Variants in TYW1 observed in about 807,000 individuals in gnomAD.
The protein encoded by TYW1 is S-adenosyl-L-methionine-dependent tRNA 4-demethylwyosine synthase TYW1.
In TYW1, 46 loss-of-function variants were observed where a neutral mutation model predicts 96.2. The ratio of observed to expected loss-of-function variants is 0.48; its 90% CI spans 0.38 to 0.61. TYW1 has a LOEUF of 0.61. TYW1 is among the 20% of genes least tolerant of loss of function. TYW1 has a pLI of 0.00. For missense variants in TYW1, 684 were observed against 909.6 expected (o/e 0.75, Z 3.19); for synonymous variants, 274 against 323.0 (o/e 0.85, Z 1.63).
At chr7:67,168,748 G>C (rs1733775182) in intron 13 of TYW1, among the ~76,000 whole-genome samples, 1 of 151,240 alleles carries the variant, frequency 6.6e-6, no homozygotes, top group African/African-American at 2.4e-5. Context: ...GTCTGGCTCT[G>C]TTGCCCAGGC....
chr7:67,089,945 T>C (rs1376780118), intron 11 of TYW1, among the ~76,000 whole-genome samples: 1 of 152,184 alleles, frequency 6.6e-6, no homozygotes, highest in Non-Finnish European at 1.5e-5. Flanking sequence ...GGGCTGAGGT[T>C]TCTTTAGCTC....
At chr7:67,021,501 T>A (rs112901157) in intron 6 of TYW1, among the ~76,000 whole-genome samples, 14,861 of 150,186 alleles carry the variant, frequency 0.099, 81 homozygotes, top group Middle Eastern at 0.15. Flanking sequence ...CACATTTGAC[T>A]CAGGTATCGT....
At chr7:67,013,737 TC>T (rs1194752929) in intron 4 of TYW1, among the ~76,000 whole-genome samples, 74 of 142,056 alleles carry the variant, frequency 5.2e-4, no homozygotes, top group African/African-American at 1.9e-3. Context: ...CTGCATTTTT[TC>T]CTTTTTTTTT....
intron 9 of TYW1, among the ~76,000 whole-genome samples, chr7:67,065,506 C>T (rs1370529215): frequency 6.6e-6 from 1 of 152,146 alleles, no homozygotes; most frequent in Non-Finnish European, 1.5e-5. Flanking sequence ...TTTCGGTTTT[C>T]AGTGCTATTT....
intron 14 of TYW1, among the ~76,000 whole-genome samples, chr7:67,184,448 A>G (rs910004495): frequency 2.6e-5 from 4 of 151,994 alleles, no homozygotes; most frequent in African/African-American, 9.7e-5. Context: ...GGAGTCACAT[A>G]ATGTCTGCTT....
At chr7:67,161,303 T>C (rs1346526457) in intron 13 of TYW1, among the ~76,000 whole-genome samples, 1 of 152,222 alleles carries the variant, frequency 6.6e-6, no homozygotes, top group African/African-American at 2.4e-5. Context: ...ATGCATTGAA[T>C]TTGTAGATTA....
intron 13 of TYW1, among the ~76,000 whole-genome samples, chr7:67,157,280 A>C (rs1465384172): frequency 1.3e-5 from 2 of 152,126 alleles, no homozygotes; most frequent in African/African-American, 4.8e-5. Context: ...TTTATGAACC[A>C]ATATTTTTTG....
intron 7 of TYW1, among the ~76,000 whole-genome samples, chr7:67,027,440 A>G (rs1162958854): frequency 6.6e-6 from 1 of 152,156 alleles, no homozygotes; most frequent in Non-Finnish European, 1.5e-5. Context: ...AATCAGATGG[A>G]TTATTGTATA....
chr7:67,027,774 CA>C (rs1325547194), intron 7 of TYW1, among the ~76,000 whole-genome samples: 1 of 151,502 alleles, frequency 6.6e-6, no homozygotes, highest in East Asian at 1.9e-4. Context: ...ACTAAAAATA[CA>C]AAAAATTAGC....
intron 13 of TYW1, among the ~76,000 whole-genome samples, chr7:67,134,457 G>A (rs1339616209): frequency 2.0e-5 from 3 of 151,766 alleles, no homozygotes; most frequent in Non-Finnish European, 2.9e-5. Flanking sequence ...CAGGAGAATC[G>A]CTTGAACCCG....
intron 11 of TYW1, among the ~76,000 whole-genome samples, chr7:67,092,153 T>C (rs1796741015): frequency 6.6e-6 from 1 of 152,156 alleles, no homozygotes; most frequent in Non-Finnish European, 1.5e-5. Context: ...CCTCTCACTT[T>C]CTCATACCCT....
At chr7:67,061,304 A>T (rs1320976512) in intron 9 of TYW1, among the ~76,000 whole-genome samples, 1 of 152,210 alleles carries the variant, frequency 6.6e-6, no homozygotes, top group Non-Finnish European at 1.5e-5. Flanking sequence ...TATTGGAGGA[A>T]ATTAGAAGAA....
At chr7:67,039,334 T>G (rs1794940809) in intron 7 of TYW1, among the ~76,000 whole-genome samples, 1 of 151,844 alleles carries the variant, frequency 6.6e-6, no homozygotes, top group Non-Finnish European at 1.5e-5. Flanking sequence ...GGCAGGCACC[T>G]GTAGTCCCAG....
intron 4 of TYW1, among the ~76,000 whole-genome samples, chr7:67,010,568 C>T (rs1391794172): frequency 1.3e-4 from 20 of 151,818 alleles, no homozygotes; most frequent in Non-Finnish European, 2.2e-4. Flanking sequence ...CTCCGCCTCC[C>T]GGGTTCACGC....
chr7:67,071,081 A>G (rs531967092), intron 10 of TYW1, among the ~76,000 whole-genome samples: 24 of 151,940 alleles, frequency 1.6e-4, no homozygotes, highest in Non-Finnish European at 1.9e-4. Flanking sequence ...CAGTGAGCCT[A>G]GATCGCGCCA....
intron 15 of TYW1, among the ~76,000 whole-genome samples, chr7:67,196,347 G>T (rs1399766162): frequency 6.6e-6 from 1 of 152,054 alleles, no homozygotes; most frequent in Non-Finnish European, 1.5e-5. Context: ...GTTGTTTTAT[G>T]GTTTGTATCT....
chr7:67,036,449 A>G (rs1253453827), intron 7 of TYW1, among the ~76,000 whole-genome samples: 5 of 152,226 alleles, frequency 3.3e-5, no homozygotes, highest in Admixed American at 2.0e-4. Context: ...CCATGAAACA[A>G]AAATTACCTG....
chr7:67,198,410 G>A (rs544978669), intron 15 of TYW1, among the ~76,000 whole-genome samples: 1 of 152,070 alleles, frequency 6.6e-6, no homozygotes, highest in African/African-American at 2.4e-5. Context: ...AATTAGCGGG[G>A]TGTGGTGGCG....
intron 9 of TYW1, among the ~76,000 whole-genome samples, chr7:67,061,623 A>G (rs1431661071): frequency 2.0e-5 from 3 of 152,204 alleles, no homozygotes; most frequent in African/African-American, 4.8e-5. Flanking sequence ...TTCAAATAAG[A>G]CATTTCAGCC....
Sources: gnomAD v4.1 joint callset for allele counts (sites outside exome capture counted in the v4.1 genomes callset) on GRCh38, gnomAD v4.1.1 for gene constraint, MANE v1.5 for transcripts, NCBI Gene and HGNC (gene_info 2026-07-23, HGNC 2026-07-21) for gene names.